Variants in SUFU observed in about 807,000 individuals in gnomAD.
The protein encoded by SUFU is suppressor of fused homolog.
Under a neutral mutation model 58.9 loss-of-function variants are expected in SUFU, and 7 were observed. The ratio of observed to expected loss-of-function variants is 0.12; its 90% CI spans 0.07 to 0.22. SUFU has a LOEUF of 0.22. SUFU is among the 10% of genes least tolerant of loss of function. SUFU has a pLI of 1.00. For synonymous variants in SUFU, 232 were observed against 254.8 expected (o/e 0.91, Z 0.85); for missense variants, 451 against 641.3 (o/e 0.70, Z 3.20).
At chr10:102,543,203 C>T (rs1304799054) in intron 2 of SUFU, among the ~76,000 whole-genome samples, 1 of 152,166 alleles carries the variant, frequency 6.6e-6, no homozygotes, top group Non-Finnish European at 1.5e-5. Context: ...TCTCTTCCCC[C>T]ACAACCTCAG....
chr10:102,522,780 C>T (rs1274245748), intron 2 of SUFU, among the ~76,000 whole-genome samples: 1 of 152,224 alleles, frequency 6.6e-6, no homozygotes, highest in South Asian at 2.1e-4. Flanking sequence ...CTTTGGAAGG[C>T]CAGACGTTAA....
At chr10:102,526,816 T>G (rs988463663) in intron 2 of SUFU, among the ~76,000 whole-genome samples, 1 of 151,800 alleles carries the variant, frequency 6.6e-6, no homozygotes, top group African/African-American at 2.4e-5. Context: ...TCCTAGGCAG[T>G]GAAACAGCTA....
chr10:102,514,680 C>G (rs2062444676), intron 2 of SUFU, among the ~76,000 whole-genome samples: 1 of 152,242 alleles, frequency 6.6e-6, no homozygotes, highest in South Asian at 2.1e-4. Context: ...TCGGAGCTTG[C>G]AGCTCTGGCC....
intron 11 of SUFU, 22 bp from the exon 12 acceptor site, chr10:102,630,044 T>C: frequency 6.2e-7 from 1 of 1,609,256 alleles, no homozygotes; most frequent in Non-Finnish European, 8.5e-7. Context: ...ACACTCCTGG[T>C]CTGTGCTTGC....
intron 4 of SUFU, among the ~76,000 whole-genome samples, chr10:102,592,952 G>A (rs1412550196): frequency 5.9e-5 from 9 of 152,186 alleles, no homozygotes; most frequent in African/African-American, 1.4e-4. Context: ...GAGAATGGCT[G>A]TAGCTGAGAG....
chr10:102,595,155 C>T (rs772970631), intron 6 of SUFU, among the ~76,000 whole-genome samples: 5 of 152,204 alleles, frequency 3.3e-5, no homozygotes, highest in African/African-American at 4.8e-5. Flanking sequence ...TGCCATGCTT[C>T]TGTAAAATAT....
intron 2 of SUFU, among the ~76,000 whole-genome samples, chr10:102,535,241 C>T (rs189242753): frequency 2.0e-5 from 3 of 152,202 alleles, no homozygotes; most frequent in Non-Finnish European, 4.4e-5. Flanking sequence ...AATCCCAACA[C>T]TCTGGGAGGC....
chr10:102,580,266 G>C (rs2063262500), intron 3 of SUFU, among the ~76,000 whole-genome samples: 1 of 152,160 alleles, frequency 6.6e-6, no homozygotes, highest in Non-Finnish European at 1.5e-5. Context: ...TCTGAGCTGG[G>C]GAGTATCCCA....
intron 3 of SUFU, among the ~76,000 whole-genome samples, chr10:102,582,547 G>T (rs575068228): frequency 6.6e-6 from 1 of 152,148 alleles, no homozygotes; most frequent in African/African-American, 2.4e-5. Context: ...GATTCTGTGC[G>T]CCTGTTCAGC....
intron 3 of SUFU, among the ~76,000 whole-genome samples, chr10:102,584,221 C>T (rs1190099943): frequency 6.6e-6 from 1 of 152,228 alleles, no homozygotes; most frequent in African/African-American, 2.4e-5. Flanking sequence ...ACAGGGCCTT[C>T]CCAACTCCGA....
chr10:102,505,004 C>T (rs544996884), intron 1 of SUFU, among the ~76,000 whole-genome samples: 1 of 152,256 alleles, frequency 6.6e-6, no homozygotes, highest in East Asian at 1.9e-4. Context: ...TCTCTTTCTC[C>T]GTGCAGAGCT....
At chr10:102,512,729 T>G (rs1465668174) in intron 2 of SUFU, among the ~76,000 whole-genome samples, 1 of 152,224 alleles carries the variant, frequency 6.6e-6, no homozygotes, top group Non-Finnish European at 1.5e-5. Context: ...AGGAATGTTC[T>G]CAGATATTTA....
At chr10:102,505,075 C>G (rs552316972) in intron 1 of SUFU, among the ~76,000 whole-genome samples, 1 of 152,088 alleles carries the variant, frequency 6.6e-6, no homozygotes, top group Non-Finnish European at 1.5e-5. Context: ...CATGGTTTGG[C>G]TTAGGATTGA....
At chr10:102,568,905 T>C (rs1472695873) in intron 3 of SUFU, among the ~76,000 whole-genome samples, 1 of 20,386 alleles carries the variant, frequency 4.9e-5, no homozygotes, top group Non-Finnish European at 8.0e-5. Flanking sequence ...AAAATATATA[T>C]ATATATATAT....
chr10:102,526,138 G>A (rs988242639), intron 2 of SUFU, among the ~76,000 whole-genome samples: 2 of 152,060 alleles, frequency 1.3e-5, no homozygotes, highest in Non-Finnish European at 2.9e-5. Context: ...GCCTAAGGAG[G>A]GGTGACCTGG....
intron 3 of SUFU, among the ~76,000 whole-genome samples, chr10:102,588,937 T>TTTA (rs2063364809): frequency 2.0e-5 from 3 of 152,214 alleles, no homozygotes; most frequent in East Asian, 1.9e-4. Context: ...TTATTTATTT[T>TTTA]TTTGAGACAC....
Position 102,599,526 on chromosome 10 carries a change from T to C in SUFU, c.1004T>C (p.Leu335Pro), listed in dbSNP as rs2063496437. Residue 335 changes from leucine (L) to proline (P), a missense_variant, in exon 8 of 12, where the codon CTC becomes CCC. Transcript: ENST00000369902. Reference protein sequence around the residue: ...PPINPQRQNGLAHDRAPSRKD... With the variant: ...PPINPQRQNGPAHDRAPSRKD... The stretch of plus-strand genomic sequence containing the variant: ...ATCAACCCTCAGCGGCAGAATGGCC[T>C]CGCCCACGACCGGGCCCCGTAAGTT... The C allele has an allele frequency of 6.2e-7, 1 of 1,614,162 alleles. No individual in the cohort carries two copies. Among genetic ancestry groups the C allele is most frequent in the East Asian group, 2.2e-5 (1 of 44,884 alleles).
rs114750921 is a variant in SUFU at position 102,573,026 on chromosome 10, C to G, written c.455-19556C>G. 954 of 1,065,236 alleles carry G rather than the reference C, an allele frequency of 9.0e-4. 3 individuals are homozygous for G. In the African/African-American group the frequency reaches 0.013, roughly 14 times the overall value. The allele number at this position is 1,065,236 out of a possible 1,614,324, so 66.0% of individuals were successfully genotyped here. A position where few individuals can be genotyped will look rare whatever the true frequency, so the allele number is the denominator to read the frequency against. ...ATAGCATAGTGGTCAAGCTTGTTCT[C>G]CGGGGTTGGTCTTCTGAGGGTACTT... On this transcript the variant is annotated intron_variant, in intron 3 of 11. Coordinates refer to ENST00000369902, the MANE Select transcript of SUFU (RefSeq NM_016169.4).
intron 3 of SUFU, among the ~76,000 whole-genome samples, chr10:102,583,690 T>C (rs1418636352): frequency 6.6e-6 from 1 of 152,188 alleles, no homozygotes; most frequent in African/African-American, 2.4e-5. Context: ...GTTTGGGGTA[T>C]GTTTCTTTTT....
Sources: allele counts gnomAD v4.1 joint callset (sites outside exome capture counted in the v4.1 genomes callset), GRCh38; gene constraint gnomAD v4.1.1; transcripts MANE v1.5; gene names NCBI Gene and HGNC (gene_info 2026-07-23, HGNC 2026-07-21).